Variants in ADARB2 observed in about 807,000 individuals in gnomAD.
ADARB2 encodes the protein adenosine deaminase RNA specific B2 (inactive), also known as inactive double-stranded RNA-specific editase B2.
In ADARB2, 25 loss-of-function variants were observed where a neutral mutation model predicts 62.2. That is an observed-to-expected ratio of 0.40 (90% confidence interval 0.29 to 0.56). The LOEUF is 0.56. Among genes scored for constraint, ADARB2 ranks in the 20% least tolerant of loss-of-function variants. ADARB2 has a pLI of 0.43. For synonymous variants in ADARB2, 572 were observed against 500.8 expected, an observed-to-expected ratio of 1.14 and a Z score of -1.90; for missense variants, 1,071 against 1,077.4, an observed-to-expected ratio of 0.99 and a Z score of 0.08.
intron 1 of ADARB2, among the ~76,000 whole-genome samples, chr10:1,456,464 C>A (rs1831097043): frequency 6.6e-6 from 1 of 152,168 alleles, no homozygotes; most frequent in Non-Finnish European, 1.5e-5. Context: ...GGCTCTCATG[C>A]CTCCCGTCCC....
At chr10:1,249,870 T>C (rs1267264559) in intron 4 of ADARB2, among the ~76,000 whole-genome samples, 2 of 151,848 alleles carry the variant, frequency 1.3e-5, no homozygotes, top group Non-Finnish European at 2.9e-5. Context: ...GAGCTTAATA[T>C]GGTGAAAGCG....
At chr10:1,584,649 T>C (rs1408254542) in intron 1 of ADARB2, among the ~76,000 whole-genome samples, 1 of 152,212 alleles carries the variant, frequency 6.6e-6, no homozygotes, top group African/African-American at 2.4e-5. Flanking sequence ...TGGATGGTTG[T>C]AGGAGCTTTA....
Position 1,527,613 on chromosome 10 carries a change from T to C in ADARB2, c.101-148453A>G, listed in dbSNP as rs116780231. Among the ~76,000 whole-genome samples, 892 of 152,336 alleles carry C rather than the reference T, an allele frequency of 5.9e-3. 6 individuals carry two copies. The highest frequency in any genetic ancestry group is 0.016 in the African/African-American group (672 of 41,574). On this transcript the variant is annotated intron_variant, in intron 1 of 9. Transcript: ENST00000381312. ...AAAGACTTGCTGTAAAAAGACTTGATATACATAACAGGATGATATACATAA... is the reference window on the plus strand; with the variant it reads ...AAAGACTTGCTGTAAAAAGACTTGACATACATAACAGGATGATATACATAA...
intron 3 of ADARB2, among the ~76,000 whole-genome samples, chr10:1,277,251 A>G (rs1406636610): frequency 1.3e-5 from 2 of 152,232 alleles, no homozygotes; most frequent in East Asian, 3.8e-4. Flanking sequence ...AGAAATAACT[A>G]AGATCAGAGC....
At chr10:1,534,329 G>A (rs1025952998) in intron 1 of ADARB2, among the ~76,000 whole-genome samples, 1 of 152,072 alleles carries the variant, frequency 6.6e-6, no homozygotes, top group African/African-American at 2.4e-5. Context: ...TAGAGACGGG[G>A]GCTTCACCGT....
At chr10:1,722,678 T>C (rs779644924) in intron 1 of ADARB2, among the ~76,000 whole-genome samples, 3 of 152,224 alleles carry the variant, frequency 2.0e-5, no homozygotes, top group Non-Finnish European at 4.4e-5. Context: ...AATGAAAAAT[T>C]CCCTCACCCC....
At chr10:1,195,850 C>G (rs935976167) in intron 8 of ADARB2, among the ~76,000 whole-genome samples, 1 of 152,142 alleles carries the variant, frequency 6.6e-6, no homozygotes, top group Non-Finnish European at 1.5e-5. Flanking sequence ...ATGGCACCGT[C>G]CTAGTCTGTG....
Position 1,694,766 on chromosome 10 carries a change from G to A in ADARB2, c.100+42285C>T, listed in dbSNP as rs144991907. 2.2e-3 allele frequency among the ~76,000 whole-genome samples: 328 copies of A among 152,336 alleles called. 3 individuals carry two copies. Among genetic ancestry groups the A allele is most frequent in the African/African-American group, 7.6e-3 (314 of 41,570 alleles). ...TTCAGTCCGGGTTTTGGAAGCAGCAGGAGCTGGACAGGCTCAGAGCCGAGG... is the reference window on the plus strand; with the variant it reads ...TTCAGTCCGGGTTTTGGAAGCAGCAAGAGCTGGACAGGCTCAGAGCCGAGG... On this transcript the variant is annotated intron_variant, in intron 1 of 9. Coordinates refer to ENST00000381312, the MANE Select transcript of ADARB2 (RefSeq NM_018702.4).
intron 1 of ADARB2, among the ~76,000 whole-genome samples, chr10:1,630,344 C>G (rs1833827095): frequency 6.6e-6 from 1 of 152,052 alleles, no homozygotes; most frequent in Non-Finnish European, 1.5e-5. Context: ...AGTACAGAAG[C>G]AAGGCAGGGC....
intron 1 of ADARB2, among the ~76,000 whole-genome samples, chr10:1,565,931 C>G (rs1415036806): frequency 6.6e-6 from 1 of 152,112 alleles, no homozygotes; most frequent in African/African-American, 2.4e-5. Context: ...ATCACCGTCT[C>G]AGCTTAACTC....
intron 4 of ADARB2, among the ~76,000 whole-genome samples, chr10:1,265,454 A>G (rs1370531031): frequency 2.0e-5 from 3 of 152,254 alleles, no homozygotes; most frequent in Non-Finnish European, 2.9e-5. Context: ...CAGTGAAACG[A>G]GAGGATTCGG....
At position 1,200,117 on chromosome 10, in the gene ADARB2, G is replaced by A. The variant is rs1301986559; in HGVS notation, c.1713C>T (p.Leu571=). The change falls in exon 8 of 10, where the codon CTC becomes CTT. Residue 571 remains leucine (L), a synonymous_variant. Transcript: ENST00000381312. ...RWNVLGLQGA[L]LSHFVEPVYL... The stretch of plus-strand genomic sequence containing the variant: ...ACACGGGCTCCACGAAGTGGGACAG[G>A]AGCGCGCCCTGCAGCCCCAGGACGT... The A allele has an allele frequency of 7.1e-6, 11 of 1,553,824 alleles. No homozygotes were observed. The highest frequency in any genetic ancestry group is 8.7e-6 in the Non-Finnish European group (10 of 1,149,498).
chr10:1,636,463 G>C (rs1388517685), intron 1 of ADARB2, among the ~76,000 whole-genome samples: 1 of 152,162 alleles, frequency 6.6e-6, no homozygotes. Context: ...GCTGCAGTGA[G>C]CTGTGATTGC....
intron 1 of ADARB2, among the ~76,000 whole-genome samples, chr10:1,669,733 CACAGAG>C (rs1834359193): frequency 6.7e-6 from 1 of 150,202 alleles, no homozygotes; most frequent in African/African-American, 2.5e-5. Flanking sequence ...CACACAGACA[CACAGAG>C]ACAAACACAG....
At chr10:1,300,871 C>T (rs1319949522) in intron 3 of ADARB2, among the ~76,000 whole-genome samples, 1 of 152,168 alleles carries the variant, frequency 6.6e-6, no homozygotes, top group Non-Finnish European at 1.5e-5. Context: ...AAAGAGAGGA[C>T]ATGTAGGCCA....
intron 1 of ADARB2, among the ~76,000 whole-genome samples, chr10:1,493,334 G>T (rs1831644666): frequency 6.6e-6 from 1 of 152,176 alleles, no homozygotes; most frequent in Non-Finnish European, 1.5e-5. Flanking sequence ...GCAGTCAGTA[G>T]CTTTGTTCCA....
At position 1,669,166 on chromosome 10, in the gene ADARB2, C is replaced by T. The variant is rs75325125; in HGVS notation, c.100+67885G>A. ...AGGGTGAGGTGGTACCTCCCAGGTG[C>T]CCTACAGGTGAGAGTCCTCATCAGG... On this transcript the variant is annotated intron_variant, in intron 1 of 9. Transcript: ENST00000381312. Among the ~76,000 whole-genome samples the T allele has an allele frequency of 3.4e-3, 512 of 152,268 alleles. 4 individuals carry two copies. Among genetic ancestry groups the T allele is most frequent in the African/African-American group, 0.012 (484 of 41,552 alleles).
chr10:1,365,496 A>C (rs1038574193), intron 2 of ADARB2, among the ~76,000 whole-genome samples: 2 of 152,194 alleles, frequency 1.3e-5, no homozygotes, highest in Non-Finnish European at 2.9e-5. Flanking sequence ...AAATGTAGGG[A>C]GAAGGCATGA....
chr10:1,652,352 G>A (rs1588339303), intron 1 of ADARB2, among the ~76,000 whole-genome samples: 1 of 152,286 alleles, frequency 6.6e-6, no homozygotes, highest in East Asian at 1.9e-4. Flanking sequence ...GGCCCCTACT[G>A]GGTTTAATTC....
Sources: allele counts gnomAD v4.1 joint callset (sites outside exome capture counted in the v4.1 genomes callset), GRCh38; gene constraint gnomAD v4.1.1; transcripts MANE v1.5; gene names NCBI Gene and HGNC (gene_info 2026-07-23, HGNC 2026-07-21).